SCN1A: variants seen among roughly 807,000 people sequenced by gnomAD.
SCN1A encodes the protein sodium channel protein type 1 subunit alpha.
Under a neutral mutation model 193.7 loss-of-function variants are expected in SCN1A, and 13 were observed. The ratio of observed to expected loss-of-function variants is 0.07; its 90% CI spans 0.04 to 0.11. The LOEUF is 0.11. SCN1A is among the 10% of genes least tolerant of loss of function. SCN1A has a pLI of 1.00. For synonymous variants in SCN1A, 781 were observed against 843.6 expected (o/e 0.93, Z 1.29); for missense variants, 1,432 against 2,451.1 (o/e 0.58, Z 8.78).
chr2:166,117,663 T>C (rs2106226403), intron 2 of SCN1A, among the ~76,000 whole-genome samples: 1 of 152,346 alleles, frequency 6.6e-6, no homozygotes, highest in Middle Eastern at 3.4e-3. Flanking sequence ...TGCAAGAGCA[T>C]CTGTGGACCA....
At chr2:166,017,028 T>C (rs77897822) in intron 19 of SCN1A, among the ~76,000 whole-genome samples, 2,201 of 149,986 alleles carry the variant, frequency 0.015, 60 homozygotes, top group African/African-American at 0.051. Context: ...CCTTCTTTCC[T>C]TTCCTTTTAA....
chr2:166,033,686 C>T (rs1204565709), intron 19 of SCN1A, among the ~76,000 whole-genome samples: 1 of 152,060 alleles, frequency 6.6e-6, no homozygotes, highest in Non-Finnish European at 1.5e-5. Flanking sequence ...AACAGAACTA[C>T]CTCTAGTGCT....
chr2:166,112,389 C>CT (rs951355954), intron 2 of SCN1A, among the ~76,000 whole-genome samples: 2 of 152,116 alleles, frequency 1.3e-5, no homozygotes, highest in Admixed American at 1.3e-4. Context: ...AAGGTATGCA[C>CT]TTTTTTTCAA....
intron 2 of SCN1A, among the ~76,000 whole-genome samples, chr2:166,081,208 A>C (rs1027282392): frequency 6.6e-6 from 1 of 151,892 alleles, no homozygotes; most frequent in Non-Finnish European, 1.5e-5. Context: ...ATCCTAACCC[A>C]TGAAGCCTTA....
chr2:166,041,910 G>T (rs896298803), intron 15 of SCN1A, among the ~76,000 whole-genome samples: 2 of 152,138 alleles, frequency 1.3e-5, no homozygotes, highest in African/African-American at 4.8e-5. Context: ...TTGTGAAAAT[G>T]ACCTGCTCTT....
chr2:166,080,336 A>G (rs1574403611), intron 2 of SCN1A, among the ~76,000 whole-genome samples: 2 of 151,956 alleles, frequency 1.3e-5, no homozygotes, highest in East Asian at 1.9e-4. Context: ...CAAAAGAGGT[A>G]AGACAATGAA....
At chr2:166,084,218 CTTTTTTT>C (rs57907653) in intron 2 of SCN1A, among the ~76,000 whole-genome samples, 2 of 127,326 alleles carry the variant, frequency 1.6e-5, no homozygotes, top group Non-Finnish European at 3.3e-5. Flanking sequence ...TCTCAATTTT[CTTTTTTT>C]TTTTTTTTTT....
chr2:166,078,765 A>G (rs1685214622), intron 2 of SCN1A, among the ~76,000 whole-genome samples: 2 of 151,730 alleles, frequency 1.3e-5, no homozygotes, highest in South Asian at 2.1e-4. Context: ...CAAAATTCAT[A>G]TAACTAGAGA....
chr2:166,079,531 G>A (rs1685283264), intron 2 of SCN1A, among the ~76,000 whole-genome samples: 1 of 149,446 alleles, frequency 6.7e-6, no homozygotes, highest in Admixed American at 6.8e-5. Context: ...ATCATATATA[G>A]GTATATTTTA....
At chr2:166,115,168 G>C (rs1186521012) in intron 2 of SCN1A, among the ~76,000 whole-genome samples, 1 of 152,010 alleles carries the variant, frequency 6.6e-6, no homozygotes, top group South Asian at 2.1e-4. Context: ...GACCAGCCTG[G>C]TCAACATGAT....
chr2:166,110,225 G>A (rs534091611), intron 2 of SCN1A, among the ~76,000 whole-genome samples: 4 of 151,990 alleles, frequency 2.6e-5, no homozygotes, highest in African/African-American at 9.7e-5. Flanking sequence ...CAAGTCAAAG[G>A]AAGAATTGAA....
At chr2:166,061,587 A>C (rs1683312990) in intron 4 of SCN1A, among the ~76,000 whole-genome samples, 1 of 151,982 alleles carries the variant, frequency 6.6e-6, no homozygotes, top group South Asian at 2.1e-4. Context: ...CAACACAAAA[A>C]ATGATAAATG....
rs1304400552 is a variant in SCN1A, at chr2:166,039,561, C to G, written c.2451G>C (p.Leu817=). The change falls in exon 17 of 29, where the codon CTG becomes CTC. Residue 817 remains leucine (L), a synonymous_variant. Coordinates refer to ENST00000674923, the MANE Select transcript of SCN1A (RefSeq NM_001165963.4). The stretch of plus-strand genomic sequence containing the variant: ...AGTAAGGATCCATGGCAATAATTTT[C>G]AGAAACATTTCTGCTGTAAAGATCC... ...FTGIFTAEMF[L]KIIAMDPYYY... The G allele has an allele frequency of 3.7e-6, 6 of 1,613,834 alleles. No individual in the cohort carries two copies. In the African/African-American group the frequency reaches 8.0e-5, roughly 22 times the overall value.
At chr2:166,097,734 C>G (rs1299408745) in intron 2 of SCN1A, among the ~76,000 whole-genome samples, 1 of 152,174 alleles carries the variant, frequency 6.6e-6, no homozygotes, top group African/African-American at 2.4e-5. Flanking sequence ...TGTGTATCAC[C>G]TGACCAGCTA....
chr2:165,993,546 G>GTA (rs1689588169), intron 28 of SCN1A: 1 of 153,474 alleles, frequency 6.5e-6, no homozygotes, highest in East Asian at 1.9e-4. Context: ...AGGCTTTGAA[G>GTA]TATAGTACTG....
chr2:166,094,771 C>T (rs145978162), intron 2 of SCN1A, among the ~76,000 whole-genome samples: 6 of 113,552 alleles, frequency 5.3e-5, no homozygotes, highest in East Asian at 2.4e-4. Context: ...TAAACTTCAA[C>T]GATGCTCAGT....
chr2:165,990,711 G>A lies in SCN1A; in HGVS notation c.*534C>T, dbSNP rs559969155. ...AAACCACGACTTTGTGTAGCTGGGA[G>A]GGCCATGTGGTTGCCATACCCCCCA... is the stretch of plus-strand genomic sequence containing the variant. On this transcript the variant is annotated 3_prime_UTR_variant, in exon 29 of 29. Transcript: ENST00000674923. The A allele has an allele frequency of 2.6e-5, 4 of 156,138 alleles. No homozygotes were observed. The South Asian group carries it at 7.7e-4, about 30-fold the overall frequency. The allele number at this position is 156,138 out of a possible 1,614,324, so 9.7% of individuals were successfully genotyped here.
intron 16 of SCN1A, 76 bp downstream of exon 16, chr2:166,041,155 A>C: frequency 2.8e-6 from 3 of 1,072,554 alleles, no homozygotes; most frequent in East Asian, 4.7e-5. Context: ...AAAGACTGCT[A>C]TACACAATTA....
intron 4 of SCN1A, among the ~76,000 whole-genome samples, chr2:166,066,068 T>C (rs1683806637): frequency 6.6e-6 from 1 of 152,128 alleles, no homozygotes. Flanking sequence ...TCCTATGCTT[T>C]AGCTGGGTGG....
Sources: gnomAD v4.1 joint callset for allele counts (sites outside exome capture counted in the v4.1 genomes callset) on GRCh38, gnomAD v4.1.1 for gene constraint, MANE v1.5 for transcripts, NCBI Gene and HGNC (gene_info 2026-07-23, HGNC 2026-07-21) for gene names.